Variants in LAMC3 observed in about 807,000 individuals in gnomAD.
The protein encoded by LAMC3 is laminin subunit gamma-3.
In LAMC3, 128 loss-of-function variants were observed where a neutral mutation model predicts 173.8. The observed-to-expected ratio is 0.74, with a 90% CI of 0.64 to 0.85. LAMC3 has a LOEUF of 0.85. Among genes scored for constraint, LAMC3 ranks in the 40% least tolerant of loss-of-function variants. The probability of loss-of-function intolerance (pLI) is 0.00; values close to 1 mark genes in which losing one functional copy is unlikely to be tolerated. For missense variants in LAMC3, 2,022 were observed against 2,156.0 expected (o/e 0.94, Z 1.23); for synonymous variants, 897 against 909.1 (o/e 0.99, Z 0.24).
chr9:131,014,839 C>G (rs1015750454), intron 1 of LAMC3, among the ~76,000 whole-genome samples: 1 of 152,106 alleles, frequency 6.6e-6, no homozygotes, highest in Non-Finnish European at 1.5e-5. Context: ...AAAAATTAGC[C>G]GGGCGCGGGG....
chr9:131,056,402 G>GAAGA (rs1564378929), intron 11 of LAMC3, among the ~76,000 whole-genome samples: 1 of 151,546 alleles, frequency 6.6e-6, no homozygotes, highest in Non-Finnish European at 1.5e-5. Flanking sequence ...TTAATAACCT[G>GAAGA]TGGATGGATA....
chr9:131,047,500 G>A, intron 8 of LAMC3, among the ~76,000 whole-genome samples: 1 of 150,284 alleles, frequency 6.7e-6, no homozygotes, highest in Non-Finnish European at 1.5e-5. Context: ...AAATTATTGA[G>A]AACCCCAAAG....
At chr9:131,074,080 A>G (rs944228288) in intron 20 of LAMC3, among the ~76,000 whole-genome samples, 13 of 150,634 alleles carry the variant, frequency 8.6e-5, no homozygotes, top group African/African-American at 3.2e-4. Flanking sequence ...CCAAGTAGCT[A>G]GGACTACAGG....
intron 13 of LAMC3, among the ~76,000 whole-genome samples, chr9:131,063,539 C>T (rs1202293221): frequency 1.3e-5 from 2 of 152,208 alleles, no homozygotes; most frequent in African/African-American, 2.4e-5. Context: ...CTCTGGGCCC[C>T]GGGAGGGCCT....
intron 15 of LAMC3, 127 bp downstream of exon 15, chr9:131,068,358 C>A: frequency 1.0e-6 from 1 of 985,370 alleles, no homozygotes; most frequent in Non-Finnish European, 1.5e-6. Flanking sequence ...CACATTGTGC[C>A]CTTTGCCGAA....
rs1833990360 is a variant in LAMC3, at chr9:131,038,868, C to A, written c.981C>A (p.Cys327Ter). ...TTTCCCCACTCCTGCCCATAGCCTG[C>A]AACTGCAGTGGCCGCTCCGAGGAAT... is the stretch of plus-strand genomic sequence containing the variant. ...TAEAAHECLP[C>*]NCSGRSEECT... Residue 327 changes from cysteine (C) to a stop codon, truncating the protein, a stop_gained, in exon 5 of 28, where the codon TGC becomes TGA. Coordinates refer to ENST00000361069, the MANE Select transcript of LAMC3 (RefSeq NM_006059.4). LOFTEE classifies it high-confidence loss of function. 5.6e-6 allele frequency: 9 copies of A among 1,613,018 alleles called. No individual in the cohort carries two copies. Among genetic ancestry groups the A allele is most frequent in the African/African-American group, 1.3e-5 (1 of 75,042 alleles).
intron 11 of LAMC3, among the ~76,000 whole-genome samples, chr9:131,055,570 G>A (rs888271119): frequency 4.0e-5 from 6 of 151,020 alleles, no homozygotes; most frequent in East Asian, 2.0e-4. Flanking sequence ...GACTACAGGC[G>A]CCCGCCACCA....
At chr9:131,072,244 G>A (rs1455106331) in intron 18 of LAMC3, among the ~76,000 whole-genome samples, 3 of 152,146 alleles carry the variant, frequency 2.0e-5, no homozygotes, top group Admixed American at 1.3e-4. Context: ...AGACAGAGGC[G>A]AGCTGAGAAC....
At chr9:131,015,385 G>C (rs997146578) in intron 1 of LAMC3, among the ~76,000 whole-genome samples, 1 of 152,126 alleles carries the variant, frequency 6.6e-6, no homozygotes, top group Non-Finnish European at 1.5e-5. Flanking sequence ...TCAGCTGCTT[G>C]GTCTACCTCC....
rs138032290 is a variant in LAMC3 at position 131,043,068 on chromosome 9, ATAAC to A, written c.1382+1334_1382+1337del. ...AGCAGTCTTGGCCATGAGCCCTACT[ATAAC>A]CTCAGGATCCTTCTTAACACCCTGC... On this transcript the variant is annotated intron_variant, in intron 7 of 27. Transcript: ENST00000361069. 6.0e-3 allele frequency among the ~76,000 whole-genome samples: 921 copies of A among 152,308 alleles called. 11 individuals are homozygous for A. The highest frequency in any genetic ancestry group is 0.021 in the African/African-American group (861 of 41,564).
At chr9:131,082,633 T>C (rs1156789094) in intron 24 of LAMC3, among the ~76,000 whole-genome samples, 2 of 152,222 alleles carry the variant, frequency 1.3e-5, no homozygotes, top group African/African-American at 2.4e-5. Context: ...GGAATTGCTA[T>C]TCATCCCTGG....
chr9:131,067,101 A>G lies in LAMC3; in HGVS notation c.2489A>G (p.His830Arg), dbSNP rs145574848. The change falls in exon 14 of 28, where the codon CAC becomes CGC. Residue 830 changes from histidine (H) to arginine (R), a missense_variant. Transcript: ENST00000361069. ...GGCAACTGTGACCCCCTGTCTGGCC[A>G]CTGCCTGCGCTGCCTGCACAACACC... Reference protein sequence around the residue: ...AVGNCDPLSGHCLRCLHNTTG... With the variant: ...AVGNCDPLSGRCLRCLHNTTG... The G allele has an allele frequency of 1.9e-4, 311 of 1,614,108 alleles. No individual in the cohort carries two copies. The African/African-American group carries it at 3.7e-3, about 19-fold the overall frequency.
chr9:131,045,232 AAAAACAACAACAACAAAAAAAC>A (rs1305885809), intron 7 of LAMC3, among the ~76,000 whole-genome samples: 1 of 121,086 alleles, frequency 8.3e-6, no homozygotes, highest in Non-Finnish European at 1.7e-5. Flanking sequence ...AAAAAAAAAA[AAAAACAACAACAACAAAAAAAC>A]AAAACCTAAT....
chr9:131,081,941 C>A, intron 23 of LAMC3, 118 bp from the exon 24 acceptor site: 2 of 727,734 alleles, frequency 2.7e-6, no homozygotes, highest in Non-Finnish European at 4.9e-6. Context: ...CGTGACCCAG[C>A]GTCAGGGATT....
chr9:131,072,851 C>G lies in LAMC3; in HGVS notation c.3417+16C>G. 6.2e-7 allele frequency: 1 copy of G among 1,602,692 alleles called. No homozygotes were observed. The highest frequency in any genetic ancestry group is 1.1e-5 in the South Asian group (1 of 88,980). On this transcript the variant is annotated intron_variant, in intron 19 of 27. Transcript: ENST00000361069. Reference sequence around the variant, plus strand: ...CGCGTCTCTGGTATCCCAGGGGACCCCCCTACCCGAACACACCAAACCTGG... The same window carrying G: ...CGCGTCTCTGGTATCCCAGGGGACCGCCCTACCCGAACACACCAAACCTGG...
chr9:131,038,414 G>T (rs964036200), intron 4 of LAMC3, among the ~76,000 whole-genome samples: 2 of 152,214 alleles, frequency 1.3e-5, no homozygotes, highest in African/African-American at 4.8e-5. Flanking sequence ...TTTTAAAAAT[G>T]ATTTAATGGG....
rs760950337 is a variant in LAMC3 at position 131,072,671 on chromosome 9, G to A, written c.3253G>A (p.Gly1085Ser). The A allele has an allele frequency of 1.9e-6, 3 of 1,611,394 alleles. No individual in the cohort carries two copies. The highest frequency in any genetic ancestry group is 2.2e-5 in the South Asian group (2 of 90,754). ...CCTGGAGCAGATGATGAGCCTCGAG[G>A]GTGCTGTCAAGGCCGCCCGGGAGCA... ...AFLEQMMSLE[G>S]AVKAAREQLQ... is the part of the protein sequence containing the mutation. Residue 1085 changes from glycine (G) to serine (S), a missense_variant, in exon 19 of 28, where the codon GGT (glycine) becomes AGT (serine). Gly to Ser is a moderately conservative substitution (Grantham distance 56, BLOSUM62 0). Coordinates refer to ENST00000361069, the MANE Select transcript of LAMC3 (RefSeq NM_006059.4).
chr9:131,045,384 T>C (rs1240848313), intron 7 of LAMC3, 140 bp from the exon 8 acceptor site: 1 of 904,236 alleles, frequency 1.1e-6, no homozygotes, highest in Non-Finnish European at 1.7e-6. Flanking sequence ...CTTACTACTC[T>C]TCTAGAATTC....
intron 2 of LAMC3, among the ~76,000 whole-genome samples, chr9:131,027,288 A>ACCTGAGTGTC (rs1833738593): frequency 6.6e-6 from 1 of 152,186 alleles, no homozygotes; most frequent in Non-Finnish European, 1.5e-5. Context: ...CCAGGCCAGC[A>ACCTGAGTGTC]CCTGAGTGTC....
Sources: allele counts gnomAD v4.1 joint callset (sites outside exome capture counted in the v4.1 genomes callset), GRCh38; gene constraint gnomAD v4.1.1; transcripts MANE v1.5; gene names NCBI Gene and HGNC (gene_info 2026-07-23, HGNC 2026-07-21).